The following SKA2 variants were observed in gnomAD, a reference collection of about 807,000 sequenced individuals.
The protein encoded by SKA2 is spindle and kinetochore-associated protein 2.
In SKA2, 13 loss-of-function variants were observed where a neutral mutation model predicts 16.9. The ratio of observed to expected loss-of-function variants is 0.77; its 90% CI spans 0.50 to 1.22. SKA2 has a LOEUF of 1.22. Among genes scored for constraint, SKA2 ranks in the 50% most tolerant of loss-of-function variants. The pLI, the probability that SKA2 is intolerant of heterozygous loss-of-function variation, is 0.00. For synonymous variants in SKA2, 47 were observed against 48.5 expected, an observed-to-expected ratio of 0.97 and a Z score of 0.13; for missense variants, 107 against 139.7, an observed-to-expected ratio of 0.77 and a Z score of 1.18.
intron 2 of SKA2, among the ~76,000 whole-genome samples, chr17:59,130,391 C>A (rs1238488548): frequency 6.9e-6 from 1 of 145,342 alleles, no homozygotes; most frequent in Non-Finnish European, 1.5e-5. Context: ...GTAGGCAGAT[C>A]ACTTGAGGTC....
At chr17:59,151,390 C>T (rs1381034553) in intron 1 of SKA2, among the ~76,000 whole-genome samples, 3 of 152,086 alleles carry the variant, frequency 2.0e-5, no homozygotes, top group Admixed American at 1.3e-4. Flanking sequence ...AGTGATGTTG[C>T]TTATTGATGA....
Position 59,111,446 on chromosome 17 carries a change from A to G in SKA2, c.*831T>C, listed in dbSNP as rs1296074000. ...ACTTTGAACAGTTTCCTTATTGCCA[A>G]TAGTTATTTTAAAATAAATAGTTAT... On this transcript the variant is annotated 3_prime_UTR_variant, in exon 4 of 4. Transcript: ENST00000330137. 3 of 152,198 alleles carry G rather than the reference A, an allele frequency of 2.0e-5. No individual in the cohort carries two copies. The highest frequency in any genetic ancestry group is 2.9e-5 in the Non-Finnish European group (2 of 68,038). 9.4% of individuals were successfully genotyped at this position (152,198 alleles called of 1,614,324 possible). A position where few individuals can be genotyped will look rare whatever the true frequency, so the allele number is the denominator to read the frequency against.
Position 59,119,361 on chromosome 17 carries a change from A to C in SKA2, c.255T>G (p.Thr85=). 6.2e-7 allele frequency: 1 copy of C among 1,613,982 alleles called. No individual in the cohort carries two copies. Among genetic ancestry groups the C allele is most frequent in the Non-Finnish European group, 8.5e-7 (1 of 1,179,878 alleles). Residue 85 remains threonine (T), a synonymous_variant, in exon 3 of 4, where the codon ACT becomes ACG. Transcript: ENST00000330137. ...KSRICATVKK[T]MNMIQKLQKQ... ...TCTGTAGTTTTTGTATCATATTCATAGTCTTTTTCACAGTAGCACAAATGC... is the reference window on the plus strand; with the variant it reads ...TCTGTAGTTTTTGTATCATATTCATCGTCTTTTTCACAGTAGCACAAATGC...
chr17:59,128,228 G>A (rs1377605848), intron 2 of SKA2, among the ~76,000 whole-genome samples: 1 of 150,644 alleles, frequency 6.6e-6, no homozygotes, highest in Non-Finnish European at 1.5e-5. Context: ...AAAAAAAAAA[G>A]AGAGAGAAAA....
intron 3 of SKA2, among the ~76,000 whole-genome samples, chr17:59,117,550 A>G (rs1057391078): frequency 6.6e-6 from 1 of 151,914 alleles, no homozygotes; most frequent in African/African-American, 2.4e-5. Flanking sequence ...TCCCATGCCC[A>G]GTAAATTTAA....
intron 2 of SKA2, among the ~76,000 whole-genome samples, chr17:59,127,803 A>G (rs2046382004): frequency 6.6e-6 from 1 of 152,180 alleles, no homozygotes; most frequent in Admixed American, 6.6e-5. Flanking sequence ...TTCTACTCCA[A>G]GGTATATACT....
intron 2 of SKA2, among the ~76,000 whole-genome samples, chr17:59,121,110 C>G (rs1241093271): frequency 6.6e-6 from 1 of 150,574 alleles, no homozygotes; most frequent in East Asian, 2.0e-4. Context: ...CGAGATCGTG[C>G]CACTGCACTC....
At chr17:59,127,395 T>C (rs1047543392) in intron 2 of SKA2, among the ~76,000 whole-genome samples, 1 of 152,164 alleles carries the variant, frequency 6.6e-6, no homozygotes, top group East Asian at 1.9e-4. Flanking sequence ...ATTTCTTTTC[T>C]TTTCTTTTCT....
intron 2 of SKA2, among the ~76,000 whole-genome samples, chr17:59,124,773 TA>T (rs1215260882): frequency 6.6e-6 from 1 of 152,198 alleles, no homozygotes; most frequent in African/African-American, 2.4e-5. Flanking sequence ...CAGCTACCCA[TA>T]ATACATGTTT....
At chr17:59,131,414 G>A in intron 1 of SKA2, 47 bp from the exon 2 acceptor site, 3 of 1,231,774 alleles carry the variant, frequency 2.4e-6, no homozygotes, top group South Asian at 1.7e-5. Flanking sequence ...AAGACTAATA[G>A]TAAACATGAT....
intron 1 of SKA2, among the ~76,000 whole-genome samples, chr17:59,144,625 G>A (rs1214592606): frequency 6.6e-6 from 1 of 152,128 alleles, no homozygotes; most frequent in Non-Finnish European, 1.5e-5. Flanking sequence ...CAAAAAAATG[G>A]ATGAATCTTG....
intron 1 of SKA2, chr17:59,137,913 T>C (rs752374754): frequency 2.5e-5 from 12 of 485,446 alleles, no homozygotes; most frequent in Non-Finnish European, 4.6e-5. Context: ...TAAGCAATTA[T>C]GATAATCTAA....
chr17:59,136,996 A>C (rs1196493293), intron 1 of SKA2, among the ~76,000 whole-genome samples: 1 of 152,152 alleles, frequency 6.6e-6, no homozygotes, highest in Non-Finnish European at 1.5e-5. Context: ...AGAGTCACAC[A>C]TGTGGAAAAA....
At position 59,130,457 on chromosome 17, in the gene SKA2, CAAAAAAAA is replaced by C. The variant is rs569934567; in HGVS notation, c.120+816_120+823del. 4.0e-3 allele frequency among the ~76,000 whole-genome samples: 285 copies of C among 70,404 alleles called. 1 individual carries two copies. The highest frequency in any genetic ancestry group is 0.012 in the African/African-American group (268 of 21,548). 46.2% of individuals were successfully genotyped at this position (70,404 alleles called of 152,430 possible). A position where few individuals can be genotyped will look rare whatever the true frequency, so the allele number is the denominator to read the frequency against. ...TGAAACTCCGTCTCTACTAAAAATA[CAAAAAAAA>C]AAAAAAAAAAAAAAATTAGCTGGGC... On this transcript the variant is annotated intron_variant, in intron 2 of 3. Coordinates refer to ENST00000330137, the MANE Select transcript of SKA2 (RefSeq NM_182620.4).
intron 3 of SKA2, among the ~76,000 whole-genome samples, chr17:59,115,678 C>CT (rs1327590725): frequency 1.3e-5 from 2 of 152,206 alleles, no homozygotes; most frequent in Non-Finnish European, 2.9e-5. Context: ...ACTGCAACCT[C>CT]TAACTCCTGG....
At chr17:59,126,990 A>C (rs1306416281) in intron 2 of SKA2, among the ~76,000 whole-genome samples, 1 of 152,270 alleles carries the variant, frequency 6.6e-6, no homozygotes, top group Non-Finnish European at 1.5e-5. Flanking sequence ...GAACATTATA[A>C]GTGACATACA....
At chr17:59,119,102 C>G (rs138343516) in intron 3 of SKA2, among the ~76,000 whole-genome samples, 1 of 152,296 alleles carries the variant, frequency 6.6e-6, no homozygotes, top group Non-Finnish European at 1.5e-5. Context: ...TTACATAATT[C>G]AAGACAGCAC....
intron 1 of SKA2, among the ~76,000 whole-genome samples, chr17:59,132,281 C>T (rs899585370): frequency 2.6e-5 from 4 of 151,770 alleles, no homozygotes; most frequent in African/African-American, 4.8e-5. Flanking sequence ...GCTTGAACCC[C>T]GGAGGTGGAG....
intron 2 of SKA2, among the ~76,000 whole-genome samples, chr17:59,123,041 AAAAG>A (rs1195868240): frequency 2.7e-5 from 4 of 149,322 alleles, no homozygotes; most frequent in African/African-American, 4.9e-5. Context: ...AAAAAAAAAG[AAAAG>A]AAAAGAAAAG....
Sources: gnomAD v4.1 joint callset for allele counts (sites outside exome capture counted in the v4.1 genomes callset) on GRCh38, gnomAD v4.1.1 for gene constraint, MANE v1.5 for transcripts, NCBI Gene and HGNC (gene_info 2026-07-23, HGNC 2026-07-21) for gene names.